Variants in UBAC2 observed in about 807,000 individuals in gnomAD.
UBAC2 encodes ubiquitin-associated domain-containing protein 2.
Under a neutral mutation model 44.0 loss-of-function variants are expected in UBAC2, and 26 were observed. The ratio of observed to expected loss-of-function variants is 0.59; its 90% confidence interval spans 0.43 to 0.82. The LOEUF is 0.82. UBAC2 is among the 40% of genes least tolerant of loss of function. The pLI, the probability that UBAC2 is intolerant of heterozygous loss-of-function variation, is 0.00. For synonymous variants in UBAC2, 155 were observed against 154.3 expected, an observed-to-expected ratio of 1.00 and a Z score of -0.04; for missense variants, 329 against 419.4, an observed-to-expected ratio of 0.78 and a Z score of 1.88.
chr13:99,244,068 T>C, intron 3 of UBAC2, 117 bp downstream of exon 3: 1 of 856,510 alleles, frequency 1.2e-6, no homozygotes, highest in Non-Finnish European at 1.7e-6. Flanking sequence ...TTAATTACAC[T>C]ATTCTGTATC....
chr13:99,275,794 A>G (rs1350797221), intron 4 of UBAC2, among the ~76,000 whole-genome samples: 1 of 152,066 alleles, frequency 6.6e-6, no homozygotes, highest in Non-Finnish European at 1.5e-5. Context: ...CAGCTTTTTA[A>G]AAGCTGATTG....
chr13:99,226,349 G>T (rs539243023), intron 1 of UBAC2, among the ~76,000 whole-genome samples: 1 of 152,088 alleles, frequency 6.6e-6, no homozygotes, highest in Non-Finnish European at 1.5e-5. Flanking sequence ...CATGCACCCG[G>T]TTAGTCAGCA....
At chr13:99,229,187 CATA>C (rs1190285133) in intron 1 of UBAC2, among the ~76,000 whole-genome samples, 4 of 152,162 alleles carry the variant, frequency 2.6e-5, no homozygotes, top group African/African-American at 9.7e-5. Context: ...CCTGGCTGCT[CATA>C]GTAGTGTGTG....
chr13:99,349,972 C>T (rs1186611571), intron 7 of UBAC2, among the ~76,000 whole-genome samples: 1 of 152,174 alleles, frequency 6.6e-6, no homozygotes, highest in Non-Finnish European at 1.5e-5. Flanking sequence ...CAGACACTGG[C>T]ATTACCGCTT....
At chr13:99,217,673 T>G (rs970102915) in intron 1 of UBAC2, among the ~76,000 whole-genome samples, 3 of 152,154 alleles carry the variant, frequency 2.0e-5, no homozygotes, top group Non-Finnish European at 4.4e-5. Context: ...GCGGTGCTTC[T>G]CCAGGCCCCA....
At chr13:99,381,639 A>G (rs2045553523) in intron 8 of UBAC2, among the ~76,000 whole-genome samples, 2 of 152,204 alleles carry the variant, frequency 1.3e-5, no homozygotes. Context: ...ACTGGAGGGA[A>G]CATCATACAG....
At chr13:99,259,751 CTT>C (rs1442231172) in intron 4 of UBAC2, among the ~76,000 whole-genome samples, 1 of 152,204 alleles carries the variant, frequency 6.6e-6, no homozygotes, top group Non-Finnish European at 1.5e-5. Flanking sequence ...TGTCCTTTGC[CTT>C]ATTCACATAG....
intron 1 of UBAC2, chr13:99,201,542 C>G: frequency 1.2e-6 from 2 of 1,614,122 alleles, no homozygotes; most frequent in Non-Finnish European, 8.5e-7. Flanking sequence ...TTGCTGTTTT[C>G]CTGGCGTGTT....
At chr13:99,264,815 T>C (rs894723867) in intron 4 of UBAC2, among the ~76,000 whole-genome samples, 1 of 152,204 alleles carries the variant, frequency 6.6e-6, no homozygotes. Flanking sequence ...GGAGGCTGCA[T>C]GGAAGCCTGA....
chr13:99,359,024 A>C, intron 7 of UBAC2, among the ~76,000 whole-genome samples: 1 of 152,158 alleles, frequency 6.6e-6, no homozygotes, highest in East Asian at 1.9e-4. Context: ...GAAGAAGGAG[A>C]GAAACACTCC....
chr13:99,295,782 T>C lies in UBAC2; in HGVS notation c.390-18315T>C. 1 of 1,613,878 alleles carries C rather than the reference T, an allele frequency of 6.2e-7. No homozygotes were observed. Among genetic ancestry groups the C allele is most frequent in the Non-Finnish European group, 8.5e-7 (1 of 1,179,818 alleles). On this transcript the variant is annotated intron_variant, in intron 4 of 8. Transcript: ENST00000403766. This position sits in a 1 kb window ranked among gnomAD's most constrained non-coding sequence, Gnocchi z 4.1. ...AAGCGGTCAATACTCAGGCAGGTCATAAAGTTCACACCTGCATATGTGTTG... is the reference window on the plus strand; with the variant it reads ...AAGCGGTCAATACTCAGGCAGGTCACAAAGTTCACACCTGCATATGTGTTG...
chr13:99,384,619 A>G (rs4462451), intron 8 of UBAC2, among the ~76,000 whole-genome samples: 71,928 of 133,332 alleles, frequency 0.54, 20,333 homozygotes, highest in Middle Eastern at 0.71. Context: ...CCCAGGCTGC[A>G]AGTGGCACAG....
intron 1 of UBAC2, among the ~76,000 whole-genome samples, chr13:99,235,857 A>C (rs1246958689): frequency 6.6e-6 from 1 of 152,020 alleles, no homozygotes; most frequent in African/African-American, 2.4e-5. Flanking sequence ...AGTCCCAGCT[A>C]CTAGGGAGGC....
chr13:99,238,230 G>C (rs2043261314), intron 1 of UBAC2, among the ~76,000 whole-genome samples, 197 bp from the exon 2 acceptor site: 1 of 152,176 alleles, frequency 6.6e-6, no homozygotes, highest in Admixed American at 6.5e-5. Flanking sequence ...AGGGCATTCT[G>C]CTTGTTTCCA....
At chr13:99,373,909 A>G (rs975444413) in intron 8 of UBAC2, among the ~76,000 whole-genome samples, 1 of 152,212 alleles carries the variant, frequency 6.6e-6, no homozygotes, top group Admixed American at 6.5e-5. Context: ...AGGAGGGGGC[A>G]GGTTATAATC....
intron 4 of UBAC2, among the ~76,000 whole-genome samples, chr13:99,265,578 T>C (rs1049743070): frequency 6.6e-6 from 1 of 152,226 alleles, no homozygotes; most frequent in Non-Finnish European, 1.5e-5. Context: ...GATTGCACTT[T>C]CACCCCTTTT....
intron 1 of UBAC2, among the ~76,000 whole-genome samples, chr13:99,233,544 G>A (rs915811036): frequency 6.6e-6 from 1 of 152,196 alleles, no homozygotes; most frequent in Admixed American, 6.5e-5. Context: ...AGCAGCCAGA[G>A]CAGGCGTTGA....
At chr13:99,321,531 G>A (rs1439466992) in intron 6 of UBAC2, among the ~76,000 whole-genome samples, 2 of 152,104 alleles carry the variant, frequency 1.3e-5, no homozygotes, top group Non-Finnish European at 2.9e-5. Context: ...GGCTGGTCTC[G>A]AACTCCTGAC....
intron 1 of UBAC2, among the ~76,000 whole-genome samples, chr13:99,235,967 C>G (rs956407012): frequency 6.7e-6 from 1 of 148,306 alleles, no homozygotes. Flanking sequence ...GACCCTGTCT[C>G]AAAAAAAAAA....
Sources: gnomAD v4.1 joint callset for allele counts (sites outside exome capture counted in the v4.1 genomes callset) on GRCh38, gnomAD v4.1.1 for gene constraint, Gnocchi (gnomAD v3.1) non-coding constraint, MANE v1.5 for transcripts, NCBI Gene and HGNC (gene_info 2026-07-23, HGNC 2026-07-21) for gene names.